The following TMEM135 variants were observed in gnomAD, a reference collection of about 807,000 sequenced individuals.
TMEM135 encodes the protein peroxisomal membrane protein 52.
In TMEM135, 30 loss-of-function variants were observed where a neutral mutation model predicts 60.3. That is an observed-to-expected ratio of 0.50 (90% CI 0.37 to 0.68). The LOEUF is 0.68. Among genes scored for constraint, TMEM135 ranks in the 30% least tolerant of loss-of-function variants. The pLI is 0.00. For missense variants in TMEM135, 468 were observed against 548.8 expected (o/e 0.85, Z 1.47); for synonymous variants, 190 against 186.7 (o/e 1.02, Z -0.14).
chr11:87,068,386 A>G (rs1198710150), intron 2 of TMEM135, among the ~76,000 whole-genome samples: 2 of 152,158 alleles, frequency 1.3e-5, no homozygotes, highest in Non-Finnish European at 2.9e-5. Flanking sequence ...TTTATTAGCT[A>G]TTCTTTTTAT....
chr11:87,198,227 C>CAT (rs1397201280), intron 5 of TMEM135, among the ~76,000 whole-genome samples: 1 of 152,046 alleles, frequency 6.6e-6, no homozygotes, highest in African/African-American at 2.4e-5. Flanking sequence ...TTTTAGTTCC[C>CAT]ATATTTGAGT....
At chr11:87,201,437 T>C (rs903389819) in intron 5 of TMEM135, among the ~76,000 whole-genome samples, 1 of 152,230 alleles carries the variant, frequency 6.6e-6, no homozygotes, top group East Asian at 1.9e-4. Context: ...AACTAAGGTC[T>C]CGTAGATGCA....
intron 4 of TMEM135, among the ~76,000 whole-genome samples, chr11:87,148,475 G>A (rs1938471799): frequency 6.6e-6 from 1 of 152,138 alleles, no homozygotes; most frequent in Non-Finnish European, 1.5e-5. Context: ...TACTGGAGAA[G>A]GTACCGAAAA....
intron 7 of TMEM135, among the ~76,000 whole-genome samples, chr11:87,302,084 C>G (rs984399147): frequency 2.6e-5 from 4 of 152,152 alleles, no homozygotes; most frequent in Non-Finnish European, 5.9e-5. Context: ...CCTGCATTAT[C>G]AAACAAATGA....
intron 4 of TMEM135, among the ~76,000 whole-genome samples, chr11:87,156,892 A>T (rs1267361735): frequency 2.0e-5 from 3 of 152,186 alleles, no homozygotes; most frequent in Admixed American, 2.0e-4. Flanking sequence ...AACTAATTCG[A>T]AACTATAGTC....
intron 6 of TMEM135, among the ~76,000 whole-genome samples, chr11:87,247,474 C>G (rs1379093142): frequency 4.6e-5 from 7 of 152,096 alleles, no homozygotes; most frequent in Middle Eastern, 3.2e-3. Flanking sequence ...CCTACAGAGG[C>G]AGGCAGGCCT....
intron 4 of TMEM135, among the ~76,000 whole-genome samples, chr11:87,118,267 G>C (rs1362834168): frequency 6.6e-6 from 1 of 152,136 alleles, no homozygotes; most frequent in East Asian, 1.9e-4. Context: ...GTCACCAGTT[G>C]TATGGAAAGT....
Position 87,319,411 on chromosome 11 carries a change from T to A in TMEM135, c.1244+34T>A, listed in dbSNP as rs1942785383. 4.1e-6 allele frequency: 6 copies of A among 1,463,142 alleles called. No individual in the cohort carries two copies. In the South Asian group the frequency reaches 6.8e-5, roughly 17 times the overall value. 90.6% of individuals were successfully genotyped at this position (1,463,142 alleles called of 1,614,324 possible). A position where few individuals can be genotyped will look rare whatever the true frequency, so the allele number is the denominator to read the frequency against. On this transcript the variant is annotated intron_variant, in intron 14 of 14. Transcript: ENST00000305494. ...CTACGTAGTTTTCTTAAAAATATTA[T>A]GAGTGGTTTTATCTTTTTGAGGGAA...
intron 3 of TMEM135, among the ~76,000 whole-genome samples, chr11:87,074,922 T>A (rs969044869): frequency 3.9e-5 from 6 of 152,124 alleles, no homozygotes; most frequent in African/African-American, 1.4e-4. Flanking sequence ...GTTGATGTAT[T>A]TCTTTCTTTT....
At chr11:87,226,934 A>G (rs1384422017) in intron 5 of TMEM135, among the ~76,000 whole-genome samples, 1 of 152,192 alleles carries the variant, frequency 6.6e-6, no homozygotes, top group African/African-American at 2.4e-5. Flanking sequence ...CTATAATCCC[A>G]GCTGCTAGAG....
intron 5 of TMEM135, among the ~76,000 whole-genome samples, chr11:87,218,552 T>C (rs1940550653): frequency 6.6e-6 from 1 of 152,182 alleles, no homozygotes; most frequent in Non-Finnish European, 1.5e-5. Flanking sequence ...CTGATATTGC[T>C]TTAGTAGTTT....
rs150186046 is a variant in TMEM135, at chr11:87,131,563, T to A, written c.397-25778T>A. Among the ~76,000 whole-genome samples, 378 of 152,306 alleles carry A rather than the reference T, an allele frequency of 2.5e-3. 1 individual carries two copies. The East Asian group carries it at 0.03, about 12-fold the overall frequency. On this transcript the variant is annotated intron_variant, in intron 4 of 14. Transcript: ENST00000305494. Reference sequence around the variant, plus strand: ...TTATTGCCTAAGACTACCATGAATATAATTTAATCTTCATGAGAGGATATA... The same window carrying A: ...TTATTGCCTAAGACTACCATGAATAAAATTTAATCTTCATGAGAGGATATA...
intron 4 of TMEM135, among the ~76,000 whole-genome samples, chr11:87,151,701 CT>C (rs142871461): frequency 8.8e-5 from 13 of 148,344 alleles, no homozygotes; most frequent in African/African-American, 1.2e-4. Context: ...TCTTGGGCTG[CT>C]TTTTTTTTTC....
At position 87,101,829 on chromosome 11, in the gene TMEM135, C is replaced by T. The variant is rs555692595; in HGVS notation, c.396+10434C>T. On this transcript the variant is annotated intron_variant, in intron 4 of 14. Transcript: ENST00000305494. ...TCTCTACTAAAAAAACAAAATTAAC[C>T]GGGTGTGATGGCGCATGCCTGTAAT... 7.8e-4 allele frequency among the ~76,000 whole-genome samples: 118 copies of T among 152,116 alleles called. 4 individuals carry two copies. The South Asian group carries it at 0.024, about 31-fold the overall frequency.
At chr11:87,309,417 G>C in intron 9 of TMEM135, 88 bp from the exon 10 acceptor site, 1 of 1,389,262 alleles carries the variant, frequency 7.2e-7, no homozygotes, top group Non-Finnish European at 1.0e-6. Flanking sequence ...GTTTTGTCTT[G>C]TTTCTATTTT....
chr11:87,046,203 C>G (rs908290627), intron 1 of TMEM135, among the ~76,000 whole-genome samples: 3 of 152,064 alleles, frequency 2.0e-5, no homozygotes, highest in Non-Finnish European at 4.4e-5. Context: ...GTCAGGAGTT[C>G]GAGACCAGCC....
intron 5 of TMEM135, among the ~76,000 whole-genome samples, chr11:87,176,325 T>G (rs1345975385): frequency 6.6e-6 from 1 of 152,174 alleles, no homozygotes; most frequent in East Asian, 1.9e-4. Context: ...CTTTGCCTTC[T>G]GTCATGAAGA....
At chr11:87,181,176 A>T (rs1439133331) in intron 5 of TMEM135, among the ~76,000 whole-genome samples, 2 of 152,218 alleles carry the variant, frequency 1.3e-5, no homozygotes, top group Non-Finnish European at 1.5e-5. Context: ...ATATTAAAAT[A>T]CTAAAATACC....
chr11:87,103,477 TTTTGTTTTTTTTTTTTG>T (rs1003771578), intron 4 of TMEM135, among the ~76,000 whole-genome samples: 9 of 84,978 alleles, frequency 1.1e-4, no homozygotes, highest in Admixed American at 4.9e-4. Context: ...GCCATGTTTT[TTTTGTTTTTTTTTTTTG>T]TTTGTTTTTT....
Sources: gnomAD v4.1 joint callset for allele counts (sites outside exome capture counted in the v4.1 genomes callset) on GRCh38, gnomAD v4.1.1 for gene constraint, MANE v1.5 for transcripts, NCBI Gene and HGNC (gene_info 2026-07-23, HGNC 2026-07-21) for gene names.